The following LIN52 variants were observed in gnomAD, a reference collection of about 807,000 sequenced individuals.
LIN52 encodes the protein lin-52 DREAM MuvB core complex component, also known as protein lin-52 homolog.
Under a neutral mutation model 18.5 loss-of-function variants are expected in LIN52, and 4 were observed. The ratio of observed to expected loss-of-function variants is 0.22; its 90% confidence interval spans 0.11 to 0.49. The LOEUF (loss-of-function observed/expected upper bound fraction) is 0.49. Among genes scored for constraint, LIN52 ranks in the 20% least tolerant of loss-of-function variants. The pLI, the probability that LIN52 is intolerant of heterozygous loss-of-function variation, is 0.97. For missense variants in LIN52, 102 were observed against 139.5 expected, an observed-to-expected ratio of 0.73 and a Z score of 1.35; for synonymous variants, 34 against 45.5, an observed-to-expected ratio of 0.75 and a Z score of 1.02.
At chr14:74,198,869 CT>C in intron 5 of LIN52, 52 bp from the exon 6 acceptor site, 2 of 1,305,808 alleles carry the variant, frequency 1.5e-6, no homozygotes, top group Non-Finnish European at 2.2e-6. Context: ...TCCTATGATT[CT>C]TTTTTCCGAT....
chr14:74,131,659 A>G (rs964437725), intron 5 of LIN52, among the ~76,000 whole-genome samples: 1 of 152,184 alleles, frequency 6.6e-6, no homozygotes, highest in African/African-American at 2.4e-5. Context: ...TAGCTGAAAA[A>G]TTATGTTTCA....
At position 74,120,795 on chromosome 14, in the gene LIN52, G is replaced by A. The variant is rs138606256; in HGVS notation, c.283+19557G>A. On this transcript the variant is annotated intron_variant, in intron 5 of 5. Transcript: ENST00000555028. The stretch of plus-strand genomic sequence containing the variant: ...AAATTAGCTGGGCTTGGTGGCGTGC[G>A]CCTGTAGTCCCAGCTACTCAGGAGG... Among the ~76,000 whole-genome samples, 1,235 of 151,274 alleles carry A rather than the reference G, an allele frequency of 8.2e-3. 20 individuals are homozygous for A. Among genetic ancestry groups the A allele is most frequent in the African/African-American group, 0.029 (1,193 of 41,284 alleles).
At chr14:74,142,756 A>C (rs2139954854) in intron 5 of LIN52, among the ~76,000 whole-genome samples, 1 of 149,398 alleles carries the variant, frequency 6.7e-6, no homozygotes, top group South Asian at 2.2e-4. Flanking sequence ...TGTAAAAGTA[A>C]AACAAAAACA....
rs1477554741 is a variant in LIN52, at chr14:74,200,918, G to C, written c.*1941G>C. ...TGACATCAGGCACTTTTCAGTGTTT[G>C]GGGAAATTGATTGGGATACCTCCCC... is the stretch of plus-strand genomic sequence containing the variant. On this transcript the variant is annotated 3_prime_UTR_variant, in exon 6 of 6. Coordinates refer to ENST00000555028, the MANE Select transcript of LIN52 (RefSeq NM_001024674.3). The C allele has an allele frequency of 2.0e-5, 3 of 152,172 alleles. No homozygotes were observed. The highest frequency in any genetic ancestry group is 4.4e-5 in the Non-Finnish European group (3 of 68,024). 9.4% of individuals were successfully genotyped at this position (152,172 alleles called of 1,614,324 possible).
intron 5 of LIN52, among the ~76,000 whole-genome samples, chr14:74,181,548 C>G (rs546357793): frequency 1.3e-5 from 2 of 152,010 alleles, no homozygotes; most frequent in South Asian, 2.1e-4. Flanking sequence ...ATTTTAAGAT[C>G]CTAAATTATG....
chr14:74,154,780 A>G (rs544020088), intron 5 of LIN52, among the ~76,000 whole-genome samples: 2 of 152,348 alleles, frequency 1.3e-5, no homozygotes, highest in Non-Finnish European at 2.9e-5. Context: ...GATCGGGTTT[A>G]GTTACTAGTG....
At chr14:74,105,249 G>A (rs2060889771) in intron 5 of LIN52, among the ~76,000 whole-genome samples, 1 of 152,090 alleles carries the variant, frequency 6.6e-6, no homozygotes, top group South Asian at 2.1e-4. Flanking sequence ...TTAAGGCTTT[G>A]GGGGTGGGGG....
At chr14:74,136,414 C>T (rs919668242) in intron 5 of LIN52, among the ~76,000 whole-genome samples, 1 of 152,064 alleles carries the variant, frequency 6.6e-6, no homozygotes, top group South Asian at 2.1e-4. Context: ...GGTTGAAAAG[C>T]TTGTTATTAC....
intron 2 of LIN52, among the ~76,000 whole-genome samples, 164 bp downstream of exon 2, chr14:74,091,470 A>G (rs527295257): frequency 3.9e-5 from 6 of 152,296 alleles, no homozygotes; most frequent in African/African-American, 1.4e-4. Context: ...CACTAACGTT[A>G]ATAAGTTCTG....
chr14:74,142,508 C>A (rs2061135686), intron 5 of LIN52, among the ~76,000 whole-genome samples: 1 of 151,850 alleles, frequency 6.6e-6, no homozygotes, highest in Non-Finnish European at 1.5e-5. Context: ...ATCTTGTAGA[C>A]CTAAACTATT....
At chr14:74,110,539 G>A (rs540376631) in intron 5 of LIN52, among the ~76,000 whole-genome samples, 3 of 152,192 alleles carry the variant, frequency 2.0e-5, no homozygotes, top group Non-Finnish European at 2.9e-5. Context: ...GCATGGTGGC[G>A]CACGCCCATA....
At chr14:74,115,864 G>T (rs1369778042) in intron 5 of LIN52, among the ~76,000 whole-genome samples, 1 of 152,140 alleles carries the variant, frequency 6.6e-6, no homozygotes. Flanking sequence ...ACACAAAGAG[G>T]ATTTTACCAT....
chr14:74,114,029 G>A, intron 5 of LIN52: 2 of 352,442 alleles, frequency 5.7e-6, no homozygotes, highest in Non-Finnish European at 7.9e-6. Context: ...CACCCAGGCT[G>A]GAGTGCAATG....
chr14:74,163,916 A>G (rs1223571924), intron 5 of LIN52, among the ~76,000 whole-genome samples: 2 of 152,192 alleles, frequency 1.3e-5, no homozygotes, highest in African/African-American at 2.4e-5. Flanking sequence ...TTTATTCTCT[A>G]AAGTTAAAAC....
At chr14:74,106,969 G>A (rs2139894339) in intron 5 of LIN52, among the ~76,000 whole-genome samples, 1 of 152,274 alleles carries the variant, frequency 6.6e-6, no homozygotes, top group Non-Finnish European at 1.5e-5. Context: ...ATTACCCATA[G>A]GATAAAATTT....
chr14:74,198,555 G>C (rs1431756306), intron 5 of LIN52, among the ~76,000 whole-genome samples: 1 of 152,220 alleles, frequency 6.6e-6, no homozygotes, highest in Non-Finnish European at 1.5e-5. Context: ...ACTAATCTTG[G>C]TTGGATTTTA....
At chr14:74,088,113 C>T (rs375638311) in intron 1 of LIN52, among the ~76,000 whole-genome samples, 2 of 151,772 alleles carry the variant, frequency 1.3e-5, no homozygotes, top group African/African-American at 2.4e-5. Context: ...TGTTTTGAGA[C>T]GGAGTCTCAC....
chr14:74,167,322 A>G (rs1321601611), intron 5 of LIN52, among the ~76,000 whole-genome samples: 1 of 152,134 alleles, frequency 6.6e-6, no homozygotes, highest in Non-Finnish European at 1.5e-5. Flanking sequence ...CATCTGAAGA[A>G]ATACTGAATA....
intron 5 of LIN52, among the ~76,000 whole-genome samples, chr14:74,129,575 G>A (rs999753055): frequency 2.6e-5 from 4 of 152,136 alleles, no homozygotes; most frequent in African/African-American, 4.8e-5. Context: ...ACATGCAGCC[G>A]GGCACAGTGG....
Sources: allele counts gnomAD v4.1 joint callset (sites outside exome capture counted in the v4.1 genomes callset), GRCh38; gene constraint gnomAD v4.1.1; transcripts MANE v1.5; gene names NCBI Gene and HGNC (gene_info 2026-07-23, HGNC 2026-07-21).